The following KCNJ6 variants were observed in gnomAD, a reference collection of about 807,000 sequenced individuals.
KCNJ6 encodes potassium inwardly rectifying channel subfamily J member 6.
KCNJ6 carries 9 observed loss-of-function variants against 34.2 expected under a neutral mutation model. The ratio of observed to expected loss-of-function variants is 0.26; its 90% CI spans 0.16 to 0.46. The LOEUF (loss-of-function observed/expected upper bound fraction) is 0.46. Ranked by LOEUF, KCNJ6 falls within the 20% of genes least tolerant of loss-of-function variation. The pLI, the probability that KCNJ6 is intolerant of heterozygous loss-of-function variation, is 1.00. For synonymous variants in KCNJ6, 196 were observed against 207.1 expected (o/e 0.95, Z 0.46); for missense variants, 236 against 531.3 (o/e 0.44, Z 5.46).
At chr21:37,706,957 C>T (rs1002752662) in intron 3 of KCNJ6, among the ~76,000 whole-genome samples, 1 of 152,190 alleles carries the variant, frequency 6.6e-6, no homozygotes, top group Non-Finnish European at 1.5e-5. Flanking sequence ...GAGCAGTTGC[C>T]TCAGAAGACC....
At chr21:37,857,437 A>G (rs2055570786) in intron 1 of KCNJ6, among the ~76,000 whole-genome samples, 2 of 152,232 alleles carry the variant, frequency 1.3e-5, no homozygotes, top group Non-Finnish European at 2.9e-5. Context: ...TGATACCACA[A>G]AGGGACTGGA....
At chr21:37,914,426 T>C (rs973135174) in intron 1 of KCNJ6, among the ~76,000 whole-genome samples, 1 of 152,074 alleles carries the variant, frequency 6.6e-6, no homozygotes, top group African/African-American at 2.4e-5. Context: ...CCCAGGCAAC[T>C]TTCGGGAGGT....
chr21:37,651,635 A>G (rs1260790076), intron 3 of KCNJ6, among the ~76,000 whole-genome samples: 1 of 152,174 alleles, frequency 6.6e-6, no homozygotes, highest in African/African-American at 2.4e-5. Context: ...GGAACATACA[A>G]ATTCCCTTGA....
intron 2 of KCNJ6, among the ~76,000 whole-genome samples, chr21:37,723,216 C>T (rs143551859): frequency 1.8e-4 from 27 of 152,170 alleles, no homozygotes; most frequent in African/African-American, 6.3e-4. Flanking sequence ...AAATGAAAGC[C>T]GCAGTGAGAT....
At position 37,710,369 on chromosome 21, in the gene KCNJ6, A is replaced by G. The variant is rs141889486; in HGVS notation, c.946+3842T>C. On this transcript the variant is annotated intron_variant, in intron 3 of 3. Coordinates refer to ENST00000609713, the MANE Select transcript of KCNJ6 (RefSeq NM_002240.5). Reference sequence around the variant, plus strand: ...ATGATGTGATTCTGGTGGGCAGCCAATGAGTGGGGATACAGAGGAAGCAAG... The same window carrying G: ...ATGATGTGATTCTGGTGGGCAGCCAGTGAGTGGGGATACAGAGGAAGCAAG... 2.4e-3 allele frequency among the ~76,000 whole-genome samples: 369 copies of G among 152,336 alleles called. 2 individuals carry two copies. The highest frequency in any genetic ancestry group is 3.9e-3 in the Non-Finnish European group (266 of 68,018).
intron 2 of KCNJ6, among the ~76,000 whole-genome samples, chr21:37,737,248 G>A (rs2054917924): frequency 6.6e-6 from 1 of 152,138 alleles, no homozygotes; most frequent in African/African-American, 2.4e-5. Flanking sequence ...GGGTCAGAGT[G>A]GCCAGAAGTA....
At chr21:37,774,564 T>C (rs1290427605) in intron 2 of KCNJ6, among the ~76,000 whole-genome samples, 8 of 142,552 alleles carry the variant, frequency 5.6e-5, no homozygotes, top group African/African-American at 2.1e-4. Context: ...TGTGTTCTCA[T>C]TGTTCAATTC....
intron 2 of KCNJ6, among the ~76,000 whole-genome samples, chr21:37,782,131 TGA>T (rs910084190): frequency 7.6e-5 from 11 of 145,674 alleles, no homozygotes; most frequent in Admixed American, 1.4e-4. Context: ...GAAAAGAGAG[TGA>T]GAGAGAGAGA....
chr21:37,697,275 G>A (rs2054667873), intron 3 of KCNJ6, among the ~76,000 whole-genome samples: 1 of 152,184 alleles, frequency 6.6e-6, no homozygotes, highest in Non-Finnish European at 1.5e-5. Context: ...GTTTGAGGAG[G>A]GAGCACAGGA....
intron 3 of KCNJ6, among the ~76,000 whole-genome samples, chr21:37,672,593 T>G (rs1329902595): frequency 1.3e-5 from 2 of 152,090 alleles, no homozygotes; most frequent in African/African-American, 2.4e-5. Flanking sequence ...AATGTTAAAG[T>G]TCAAGATACA....
At chr21:37,645,368 A>G (rs567284626) in intron 3 of KCNJ6, among the ~76,000 whole-genome samples, 1 of 152,308 alleles carries the variant, frequency 6.6e-6, no homozygotes, top group African/African-American at 2.4e-5. Context: ...CTGTCTTTAA[A>G]AACAAACAAA....
At chr21:37,720,890 G>A (rs1283352369) in intron 2 of KCNJ6, among the ~76,000 whole-genome samples, 1 of 151,058 alleles carries the variant, frequency 6.6e-6, no homozygotes, top group Non-Finnish European at 1.5e-5. Flanking sequence ...TGTATTTTTA[G>A]TAGAGACGGG....
At chr21:37,667,364 C>G (rs1311076317) in intron 3 of KCNJ6, among the ~76,000 whole-genome samples, 2 of 152,066 alleles carry the variant, frequency 1.3e-5, no homozygotes, top group Non-Finnish European at 2.9e-5. Context: ...CACATAGGAC[C>G]TCTTGTAACA....
chr21:37,807,216 T>C (rs1323191323), intron 2 of KCNJ6, among the ~76,000 whole-genome samples: 3 of 152,248 alleles, frequency 2.0e-5, no homozygotes, highest in South Asian at 2.1e-4. Context: ...TAATGTTATA[T>C]AATCTTTGCA....
At chr21:37,692,237 C>CA (rs2054643325) in intron 3 of KCNJ6, among the ~76,000 whole-genome samples, 1 of 151,892 alleles carries the variant, frequency 6.6e-6, no homozygotes, top group Non-Finnish European at 1.5e-5. Context: ...TCCCAAAAAA[C>CA]AAAAAACGTA....
intron 1 of KCNJ6, among the ~76,000 whole-genome samples, chr21:37,895,715 G>A (rs2055784408): frequency 6.6e-6 from 1 of 152,192 alleles, no homozygotes; most frequent in South Asian, 2.1e-4. Context: ...CCCCAATCAG[G>A]GAGGCTGTGT....
At chr21:37,648,685 G>A (rs940212385) in intron 3 of KCNJ6, among the ~76,000 whole-genome samples, 7 of 152,152 alleles carry the variant, frequency 4.6e-5, no homozygotes, top group Non-Finnish European at 8.8e-5. Flanking sequence ...TTCTTGGAGT[G>A]TGGATGCCAC....
At chr21:37,739,519 G>A (rs1220510662) in intron 2 of KCNJ6, among the ~76,000 whole-genome samples, 2 of 152,122 alleles carry the variant, frequency 1.3e-5, no homozygotes, top group Non-Finnish European at 2.9e-5. Context: ...TATAATAAGG[G>A]GTATTGAACA....
intron 1 of KCNJ6, among the ~76,000 whole-genome samples, chr21:37,879,301 G>T (rs1348323414): frequency 6.6e-6 from 1 of 152,178 alleles, no homozygotes; most frequent in Non-Finnish European, 1.5e-5. Flanking sequence ...GGGAAAGGTG[G>T]TGTGAAATGC....
Sources: allele counts gnomAD v4.1 joint callset (sites outside exome capture counted in the v4.1 genomes callset), GRCh38; gene constraint gnomAD v4.1.1; transcripts MANE v1.5; gene names NCBI Gene and HGNC (gene_info 2026-07-23, HGNC 2026-07-21).